The following GUSB variants were observed in gnomAD, a reference collection of about 807,000 sequenced individuals.
The protein encoded by GUSB is glucuronidase beta.
A neutral mutation model predicts 74.6 loss-of-function variants in GUSB; 51 were observed. The observed-to-expected ratio is 0.68, with a 90% confidence interval of 0.55 to 0.86. The LOEUF (loss-of-function observed/expected upper bound fraction) is 0.86. Ranked by LOEUF, GUSB falls within the 40% of genes least tolerant of loss-of-function variation. GUSB has a pLI of 0.00. For missense variants in GUSB, 736 were observed against 853.7 expected, an observed-to-expected ratio of 0.86 and a Z score of 1.72; for synonymous variants, 360 against 348.3, an observed-to-expected ratio of 1.03 and a Z score of -0.37.
intron 8 of GUSB, among the ~76,000 whole-genome samples, chr7:65,971,378 G>C (rs1013420119): frequency 6.6e-6 from 1 of 152,208 alleles, no homozygotes; most frequent in South Asian, 2.1e-4. Context: ...TTTTACCAGA[G>C]ACCAGGAGTT....
chr7:65,960,873 A>G lies in GUSB; in HGVS notation c.*24T>C. The G allele has an allele frequency of 6.2e-7, 1 of 1,607,686 alleles. No individual in the cohort carries two copies. Among genetic ancestry groups the G allele is most frequent in the Non-Finnish European group, 8.5e-7 (1 of 1,174,204 alleles). On this transcript the variant is annotated 3_prime_UTR_variant, in exon 12 of 12. Transcript: ENST00000304895. ...GTCGCCCTGACTCGGGGAGGAAGGG[A>G]CACGCAGGTGGTATCAGTCTTGCTC...
intron 4 of GUSB, among the ~76,000 whole-genome samples, chr7:65,977,651 A>G (rs1791671536): frequency 6.6e-6 from 1 of 151,850 alleles, no homozygotes. Context: ...TGGACTCCCA[A>G]AGTGCTGGGA....
At chr7:65,965,182 G>A (rs1182328432) in intron 10 of GUSB, among the ~76,000 whole-genome samples, 1 of 152,082 alleles carries the variant, frequency 6.6e-6, no homozygotes, top group Non-Finnish European at 1.5e-5. Context: ...GAGACAGGAG[G>A]ATCACTTCAG....
chr7:65,980,113 A>G (rs756893746), intron 2 of GUSB, 111 bp downstream of exon 2: 10 of 1,146,832 alleles, frequency 8.7e-6, no homozygotes, highest in Non-Finnish European at 1.1e-5. Context: ...GCAGGGCAGG[A>G]CCCCCCACCA....
At chr7:65,971,428 C>A (rs551306004) in intron 8 of GUSB, among the ~76,000 whole-genome samples, 2 of 151,608 alleles carry the variant, frequency 1.3e-5, no homozygotes, top group African/African-American at 2.4e-5. Context: ...CTTGTTTCTA[C>A]AACAAATTTA....
chr7:65,969,187 C>CCT lies in GUSB; in HGVS notation c.1476+1093_1476+1094dup, dbSNP rs1170311730. Among the ~76,000 whole-genome samples the CCT allele has an allele frequency of 2.0e-5, 3 of 152,060 alleles. No individual in the cohort carries two copies. In the South Asian group the frequency reaches 6.3e-4, roughly 32 times the overall value. On this transcript the variant is annotated intron_variant, in intron 9 of 11. Coordinates refer to ENST00000304895, the MANE Select transcript of GUSB (RefSeq NM_000181.4). ...CCTGAGATCAGCAGTTTGAGACCAGCCTGGCTAACATGGCAAAACCCCATC... is the reference window on the plus strand; with the variant it reads ...CCTGAGATCAGCAGTTTGAGACCAGCCTCTGGCTAACATGGCAAAACCCCATC...
intron 9 of GUSB, among the ~76,000 whole-genome samples, chr7:65,968,377 A>T (rs2115882109): frequency 1.3e-5 from 2 of 152,156 alleles, no homozygotes; most frequent in South Asian, 4.1e-4. Context: ...TAGGCCTGGG[A>T]CTCCACACTG....
intron 9 of GUSB, among the ~76,000 whole-genome samples, chr7:65,969,957 T>C (rs907316722): frequency 6.6e-6 from 1 of 152,154 alleles, no homozygotes; most frequent in Non-Finnish European, 1.5e-5. Flanking sequence ...AAAGCCACAC[T>C]GCCTGGCGAG....
chr7:65,968,403 G>A (rs373229792), intron 9 of GUSB, among the ~76,000 whole-genome samples: 10 of 152,050 alleles, frequency 6.6e-5, no homozygotes, highest in Admixed American at 4.6e-4. Flanking sequence ...CATGACGTGC[G>A]CCGCTGGGAA....
At chr7:65,975,193 G>T in intron 5 of GUSB, 122 bp from the exon 6 acceptor site, 2 of 836,824 alleles carry the variant, frequency 2.4e-6, no homozygotes, top group Non-Finnish European at 4.0e-6. Context: ...AAGCAGAGAT[G>T]CAGCAATCAG....
intron 9 of GUSB, among the ~76,000 whole-genome samples, chr7:65,968,174 C>T (rs576752800): frequency 6.9e-6 from 1 of 145,182 alleles, no homozygotes; most frequent in East Asian, 2.1e-4. Flanking sequence ...GGGAGGATCA[C>T]TTGATCCCAG....
intron 9 of GUSB, 94 bp from the exon 10 acceptor site, chr7:65,968,001 G>A (rs1790948698): frequency 4.7e-6 from 5 of 1,053,058 alleles, no homozygotes; most frequent in Non-Finnish European, 7.2e-6. Flanking sequence ...GAGAAGGTAA[G>A]GGGGATGTAA....
chr7:65,971,150 G>A (rs1453684066), intron 8 of GUSB, among the ~76,000 whole-genome samples: 1 of 152,188 alleles, frequency 6.6e-6, no homozygotes, highest in Non-Finnish European at 1.5e-5. Context: ...CTTGAACACA[G>A]GAGGTGGATG....
Position 65,982,035 on chromosome 7 carries a change from T to A in GUSB, c.149A>T (p.Asp50Val), listed in dbSNP as rs1323892365. The A allele has an allele frequency of 6.2e-7, 1 of 1,610,616 alleles. No individual in the cohort carries two copies. Among genetic ancestry groups the A allele is most frequent in the South Asian group, 1.1e-5 (1 of 90,866 alleles). Residue 50 changes from aspartate (D) to valine (V), a missense_variant, in exon 1 of 12, where the codon GAC becomes GTC. Transcript: ENST00000304895. ...ELDGLWSFRA[D>V]FSDNRRRGFE... ...GCCCCGGCGTCGGTTGTCAGAGAAG[T>A]CGGCGCGGAAGCTCCAGAGGCCGTC... is the stretch of plus-strand genomic sequence containing the variant.
intron 4 of GUSB, among the ~76,000 whole-genome samples, chr7:65,976,525 A>ATATTGGCCAGGC (rs1388690320): frequency 2.0e-5 from 3 of 151,838 alleles, no homozygotes; most frequent in African/African-American, 7.2e-5. Context: ...GGGTTTTGTC[A>ATATTGGCCAGGC]TATTGGCCAG....
In GUSB at chr7:65,962,360, A is replaced by C. The variant is rs117784046; in HGVS notation, c.1790-1297T>G. Among the ~76,000 whole-genome samples the C allele has an allele frequency of 1.2e-3, 190 of 152,292 alleles. 1 individual carries two copies. In the Middle Eastern group the frequency reaches 0.037, roughly 30 times the overall value. ...CAGGACATTCTCTGTCCCCAGTAAG[A>C]CCACCACTAAATGGAAATGTTAAAT... On this transcript the variant is annotated intron_variant, in intron 11 of 11. Transcript: ENST00000304895.
At chr7:65,978,963 C>T (rs1012962349) in intron 4 of GUSB, among the ~76,000 whole-genome samples, 22 of 152,058 alleles carry the variant, frequency 1.4e-4, no homozygotes, top group East Asian at 3.9e-4. Flanking sequence ...GTGATGGCCT[C>T]ACTATGTTGC....
At chr7:65,974,244 C>A (rs911843328) in intron 8 of GUSB, 51 bp downstream of exon 8, 4 of 1,599,860 alleles carry the variant, frequency 2.5e-6, no homozygotes, top group Non-Finnish European at 3.4e-6. Context: ...GGCCAGCCAC[C>A]TGCCAGGGTC....
In GUSB at chr7:65,976,250, G is replaced by A. The variant is rs749282974; in HGVS notation, c.725-48C>T. ...GGGCTGAGGGAGGGACACGACCTGA[G>A]TCACACAAACAGGAGCGCCCTGCAG... On this transcript the variant is annotated intron_variant, in intron 4 of 11. Coordinates refer to ENST00000304895, the MANE Select transcript of GUSB (RefSeq NM_000181.4). 1.1e-5 allele frequency: 16 copies of A among 1,410,722 alleles called. No homozygotes were observed. The South Asian group carries it at 1.6e-4, about 14-fold the overall frequency. 87.4% of individuals were successfully genotyped at this position (1,410,722 alleles called of 1,614,324 possible). A position where few individuals can be genotyped will look rare whatever the true frequency, so the allele number is the denominator to read the frequency against.
Sources: allele counts gnomAD v4.1 joint callset (sites outside exome capture counted in the v4.1 genomes callset), GRCh38; gene constraint gnomAD v4.1.1; transcripts MANE v1.5; gene names NCBI Gene and HGNC (gene_info 2026-07-23, HGNC 2026-07-21).